The following SYN3 variants were observed in gnomAD, a reference collection of about 807,000 sequenced individuals.
SYN3 encodes the protein synapsin III.
Under a neutral mutation model 65.8 loss-of-function variants are expected in SYN3, and 35 were observed. That is an observed-to-expected ratio of 0.53 (90% CI 0.41 to 0.70). SYN3 has a LOEUF of 0.70. SYN3 is among the 30% of genes least tolerant of loss of function. The pLI is 0.00. For missense variants in SYN3, 680 were observed against 749.0 expected (o/e 0.91, Z 1.08); for synonymous variants, 270 against 292.9 (o/e 0.92, Z 0.80).
rs572114426 is a variant in SYN3, at chr22:32,584,857, G to A, written c.774+11817C>T. 8.5e-5 allele frequency among the ~76,000 whole-genome samples: 13 copies of A among 152,330 alleles called. 1 individual carries two copies. The South Asian group carries it at 2.7e-3, about 32-fold the overall frequency. On this transcript the variant is annotated intron_variant, in intron 7 of 13. Transcript: ENST00000358763. ...CACAAGAGCAGTTCATATGCAAAAGGTCAGTGCTGGTCTCAAAGGTACTGA... is the reference window on the plus strand; with the variant it reads ...CACAAGAGCAGTTCATATGCAAAAGATCAGTGCTGGTCTCAAAGGTACTGA...
intron 6 of SYN3, among the ~76,000 whole-genome samples, chr22:32,627,985 C>T (rs1038387847): frequency 9.9e-5 from 15 of 152,234 alleles, no homozygotes; most frequent in East Asian, 5.8e-4. Context: ...CATGCCACCA[C>T]GCCCAGCTAA....
intron 4 of SYN3, among the ~76,000 whole-genome samples, chr22:32,874,586 T>A (rs976372979): frequency 2.0e-5 from 3 of 152,230 alleles, no homozygotes; most frequent in Non-Finnish European, 4.4e-5. Flanking sequence ...AGCTCTTGGC[T>A]GGACTTTGCC....
rs1432790825 is a variant in SYN3, at chr22:32,792,270, G to A, written c.711+72645C>T. ...AAAACTCAGACTTATGACATCACAG[G>A]CCTTCGTTGGTTCCTAACCTCCCTG... On this transcript the variant is annotated intron_variant, in intron 6 of 13. Coordinates refer to ENST00000358763, the MANE Select transcript of SYN3 (RefSeq NM_003490.4). Among the ~76,000 whole-genome samples, 5 of 152,192 alleles carry A rather than the reference G, an allele frequency of 3.3e-5. No homozygotes were observed. The East Asian group carries it at 5.8e-4, about 18-fold the overall frequency.
chr22:32,666,365 A>AG (rs130733), intron 6 of SYN3, among the ~76,000 whole-genome samples: 152,272 of 152,272 alleles, frequency 1, 76,136 homozygotes, highest in Non-Finnish European at 1. Context: ...AGAGCCTGAC[A>AG]CCTTCAGGCA....
chr22:32,615,113 GAA>G (rs2059497437), intron 6 of SYN3, among the ~76,000 whole-genome samples: 1 of 152,186 alleles, frequency 6.6e-6, no homozygotes, highest in South Asian at 2.1e-4. Context: ...ATGACTCTTT[GAA>G]AGCTACAGAT....
At chr22:32,640,796 G>A (rs1214843377) in intron 6 of SYN3, among the ~76,000 whole-genome samples, 1 of 152,142 alleles carries the variant, frequency 6.6e-6, no homozygotes, top group African/African-American at 2.4e-5. Context: ...GAACCTGGGA[G>A]GCAGAGATTG....
chr22:32,519,797 T>A (rs887324950), intron 12 of SYN3: 1 of 152,238 alleles, frequency 6.6e-6, no homozygotes, highest in Non-Finnish European at 1.5e-5. Flanking sequence ...GACATGCTGC[T>A]GCTGGGAGAG....
intron 6 of SYN3, among the ~76,000 whole-genome samples, chr22:32,833,176 G>C (rs2047628973): frequency 6.6e-6 from 1 of 152,076 alleles, no homozygotes; most frequent in Admixed American, 6.6e-5. Flanking sequence ...GTGGCTCCTG[G>C]GAAATTTGCA....
At chr22:32,609,286 T>C (rs1253154782) in intron 6 of SYN3, among the ~76,000 whole-genome samples, 1 of 151,940 alleles carries the variant, frequency 6.6e-6, no homozygotes, top group Non-Finnish European at 1.5e-5. Flanking sequence ...ATGGAGCCAC[T>C]ACTCCAGCCT....
At chr22:32,681,996 A>T (rs1056396219) in intron 6 of SYN3, among the ~76,000 whole-genome samples, 3 of 79,116 alleles carry the variant, frequency 3.8e-5, no homozygotes, top group Non-Finnish European at 1.1e-4. Context: ...GAGGTAAGAG[A>T]GTTAGTCATG....
intron 4 of SYN3, among the ~76,000 whole-genome samples, chr22:32,894,861 C>T (rs2049547224): frequency 6.6e-6 from 1 of 152,186 alleles, no homozygotes; most frequent in Non-Finnish European, 1.5e-5. Context: ...ATTCGCTCTC[C>T]CTGCCTGCCT....
At chr22:32,684,267 TC>T (rs1195106860) in intron 6 of SYN3, among the ~76,000 whole-genome samples, 2 of 152,122 alleles carry the variant, frequency 1.3e-5, no homozygotes, top group Admixed American at 1.3e-4. Context: ...AGCCTTCTTG[TC>T]TACCACATAA....
chr22:32,636,167 C>T (rs1263209146), intron 6 of SYN3, among the ~76,000 whole-genome samples: 1 of 151,936 alleles, frequency 6.6e-6, no homozygotes, highest in Non-Finnish European at 1.5e-5. Context: ...TTTGGGAGGC[C>T]AAGGCAGGCG....
At chr22:32,857,001 T>C (rs1309658908) in intron 6 of SYN3, among the ~76,000 whole-genome samples, 1 of 152,256 alleles carries the variant, frequency 6.6e-6, no homozygotes, top group African/African-American at 2.4e-5. Flanking sequence ...CATTCTTTTT[T>C]CTGGATGAAT....
At chr22:32,793,284 G>T (rs1476727059) in intron 6 of SYN3, among the ~76,000 whole-genome samples, 1 of 152,128 alleles carries the variant, frequency 6.6e-6, no homozygotes, top group Non-Finnish European at 1.5e-5. Flanking sequence ...TTCTTTGTTT[G>T]CTTCTGCCAA....
At chr22:32,653,985 C>A (rs769289137) in intron 6 of SYN3, among the ~76,000 whole-genome samples, 1 of 152,192 alleles carries the variant, frequency 6.6e-6, no homozygotes, top group South Asian at 2.1e-4. Context: ...CCTGCCTGGC[C>A]TTGACCCCAA....
At chr22:32,747,142 C>A (rs530106632) in intron 6 of SYN3, among the ~76,000 whole-genome samples, 1 of 152,138 alleles carries the variant, frequency 6.6e-6, no homozygotes, top group African/African-American at 2.4e-5. Context: ...GAGCCTCATG[C>A]GAATCCCAGG....
chr22:32,943,020 C>T (rs555573938), intron 3 of SYN3, among the ~76,000 whole-genome samples: 2 of 152,332 alleles, frequency 1.3e-5, no homozygotes, highest in South Asian at 4.2e-4. Flanking sequence ...GGAAAACACT[C>T]TGCAGGATAT....
intron 2 of SYN3, among the ~76,000 whole-genome samples, chr22:32,991,036 A>C (rs1375665511): frequency 6.6e-6 from 1 of 152,074 alleles, no homozygotes; most frequent in East Asian, 1.9e-4. Context: ...AAAACACAAA[A>C]AATATTATCT....
Sources: allele counts gnomAD v4.1 joint callset (sites outside exome capture counted in the v4.1 genomes callset), GRCh38; gene constraint gnomAD v4.1.1; transcripts MANE v1.5; gene names NCBI Gene and HGNC (gene_info 2026-07-23, HGNC 2026-07-21).